Variants in TMEM9 observed in about 807,000 individuals in gnomAD.
TMEM9 encodes the protein proton-transporting V-type ATPase complex assembly regulator TMEM9.
Under a neutral mutation model 22.8 loss-of-function variants are expected in TMEM9, and 13 were observed. The ratio of observed to expected loss-of-function variants is 0.57; its 90% confidence interval spans 0.37 to 0.91. TMEM9 has a LOEUF of 0.91. TMEM9 is among the 40% of genes least tolerant of loss of function. The pLI is 0.01. For synonymous variants in TMEM9, 88 were observed against 93.0 expected, an observed-to-expected ratio of 0.95 and a Z score of 0.31; for missense variants, 182 against 238.1, an observed-to-expected ratio of 0.76 and a Z score of 1.55.
chr1:201,153,777 G>A (rs1157564170), intron 1 of TMEM9, 81 bp downstream of exon 1: 3 of 1,596,916 alleles, frequency 1.9e-6, no homozygotes, highest in Admixed American at 1.7e-5. Flanking sequence ...AGGAGCAGCT[G>A]GCTACCTCTG....
intron 1 of TMEM9, among the ~76,000 whole-genome samples, chr1:201,160,691 C>CT (rs1309397620): frequency 6.6e-6 from 1 of 151,512 alleles, no homozygotes; most frequent in African/African-American, 2.4e-5. Context: ...AATCCCAGCA[C>CT]TTTGGGAGGC....
chr1:201,155,896 G>C (rs955907540), upstream of TMEM9, among the ~76,000 whole-genome samples: 1 of 152,174 alleles, frequency 6.6e-6, no homozygotes, highest in Non-Finnish European at 1.5e-5. Context: ...AAAGAGGGAG[G>C]CTCTATAAAT....
intron 1 of TMEM9, among the ~76,000 whole-genome samples, chr1:201,163,964 A>G (rs1666010716): frequency 6.6e-6 from 1 of 152,236 alleles, no homozygotes; most frequent in East Asian, 1.9e-4. Context: ...ATAGCCCTAA[A>G]CTGGAAACAA....
In TMEM9 at chr1:201,165,150, T is replaced by TTATATATATA. The variant is rs57281429; in HGVS notation, c.-37+6330_-37+6339dup. 3.4e-3 allele frequency among the ~76,000 whole-genome samples: 300 copies of TTATATATATA among 87,050 alleles called. 4 individuals carry two copies. The highest frequency in any genetic ancestry group is 9.2e-3 in the African/African-American group (262 of 28,528). The allele number at this position is 87,050 out of a possible 152,430, so 57.1% of individuals were successfully genotyped here. A position where few individuals can be genotyped will look rare whatever the true frequency, so the allele number is the denominator to read the frequency against. On this transcript the variant is annotated intron_variant, in intron 1 of 5. Transcript: ENST00000367333. ...CATTTTATCACTTTTTAAGAGAAAA[T>TTATATATATA]TATATATATATATATATATATATAT...
rs1358598079 is a variant in TMEM9 at position 201,154,374 on chromosome 1, T to C, written c.-451A>G. The C allele has an allele frequency of 6.1e-6, 1 of 164,454 alleles. No individual in the cohort carries two copies. Among genetic ancestry groups the C allele is most frequent in the African/African-American group, 2.4e-5 (1 of 41,466 alleles). The allele number at this position is 164,454 out of a possible 1,614,324, so 10.2% of individuals were successfully genotyped here. ...GGCCGGTGCCCACCACGCCCAGAGG[T>C]CTTAAGCCGGACTGGGACCCCCAAT... is the stretch of plus-strand genomic sequence containing the variant. On this transcript the variant is annotated 5_prime_UTR_variant, in exon 1 of 5. Transcript: ENST00000367330.
chr1:201,154,568 C>G (rs1665716789), upstream of TMEM9: 2 of 152,436 alleles, frequency 1.3e-5, no homozygotes, highest in African/African-American at 4.8e-5. Context: ...CCGCCTTCAC[C>G]TGGGCGGGGA....
intron 4 of TMEM9, among the ~76,000 whole-genome samples, chr1:201,136,139 G>C (rs1343939361): frequency 6.6e-6 from 1 of 152,208 alleles, no homozygotes; most frequent in African/African-American, 2.4e-5. Context: ...GCTAGCTCAA[G>C]GGAGGTTCCC....
chr1:201,147,106 G>A (rs1213638762), intron 2 of TMEM9, among the ~76,000 whole-genome samples: 8 of 152,070 alleles, frequency 5.3e-5, no homozygotes, highest in African/African-American at 9.7e-5. Flanking sequence ...AACCATCAAC[G>A]TTCCCAGGGT....
chr1:201,157,976 T>G (rs527628686), upstream of TMEM9, among the ~76,000 whole-genome samples: 6 of 152,300 alleles, frequency 3.9e-5, no homozygotes, highest in African/African-American at 1.4e-4. Context: ...ATTAAGGCCC[T>G]TGGTTGGGGA....
intron 4 of TMEM9, among the ~76,000 whole-genome samples, chr1:201,137,199 C>T (rs938238433): frequency 4.6e-5 from 7 of 152,256 alleles, no homozygotes; most frequent in African/African-American, 4.8e-5. Flanking sequence ...AGGGGGCATA[C>T]TGAGCTTGGA....
chr1:201,167,293 G>A (rs562278385), intron 1 of TMEM9, among the ~76,000 whole-genome samples: 98 of 152,354 alleles, frequency 6.4e-4, no homozygotes, highest in African/African-American at 2.2e-3. Context: ...AAGGCTCAGA[G>A]GTTAGGAGTT....
chr1:201,151,334 T>C (rs530066157), intron 2 of TMEM9, among the ~76,000 whole-genome samples: 9 of 152,364 alleles, frequency 5.9e-5, no homozygotes, highest in African/African-American at 2.2e-4. Flanking sequence ...TCTCTGCTAT[T>C]ATAAAATGGG....
intron 3 of TMEM9, among the ~76,000 whole-genome samples, chr1:201,146,184 G>A (rs1664944089): frequency 6.6e-6 from 1 of 152,174 alleles, no homozygotes. Flanking sequence ...TGGTGACTGT[G>A]TCTATCATCT....
At chr1:201,153,236 G>GT (rs1665569603) in intron 1 of TMEM9, among the ~76,000 whole-genome samples, 1 of 152,198 alleles carries the variant, frequency 6.6e-6, no homozygotes, top group Admixed American at 6.5e-5. Flanking sequence ...TATGTGTAAC[G>GT]TAAGAAAATA....
At chr1:201,143,009 G>A (rs1341238030) in intron 4 of TMEM9, among the ~76,000 whole-genome samples, 1 of 152,144 alleles carries the variant, frequency 6.6e-6, no homozygotes, top group Admixed American at 6.5e-5. Flanking sequence ...GGGTTTCCTC[G>A]CCATGGTGTC....
intron 1 of TMEM9, among the ~76,000 whole-genome samples, chr1:201,162,890 G>A (rs1216812050): frequency 6.6e-6 from 1 of 151,958 alleles, no homozygotes; most frequent in African/African-American, 2.4e-5. Flanking sequence ...AATACAATTA[G>A]AAAGTAGGCA....
At chr1:201,136,143 G>A (rs1053098750) in intron 4 of TMEM9, among the ~76,000 whole-genome samples, 4 of 152,184 alleles carry the variant, frequency 2.6e-5, no homozygotes, top group African/African-American at 9.6e-5. Flanking sequence ...GCTCAAGGGA[G>A]GTTCCCAGCC....
intron 2 of TMEM9, among the ~76,000 whole-genome samples, chr1:201,149,551 C>A (rs753869894): frequency 1.3e-5 from 2 of 152,104 alleles, no homozygotes; most frequent in African/African-American, 2.4e-5. Context: ...GGGGTTTTTG[C>A]CTTTTTATGC....
upstream of TMEM9, among the ~76,000 whole-genome samples, chr1:201,156,505 T>C (rs1342350639): frequency 6.6e-6 from 1 of 152,156 alleles, no homozygotes; most frequent in Admixed American, 6.5e-5. Context: ...ATTTCTGCAC[T>C]TCCCCACCCC....
Sources: gnomAD v4.1 joint callset for allele counts (sites outside exome capture counted in the v4.1 genomes callset) on GRCh38, gnomAD v4.1.1 for gene constraint, MANE v1.5 for transcripts, NCBI Gene and HGNC (gene_info 2026-07-23, HGNC 2026-07-21) for gene names.